PPP2R2C: variants seen among roughly 807,000 people sequenced by gnomAD.
PPP2R2C encodes the protein protein phosphatase 2, regulatory subunit B, gamma.
Under a neutral mutation model 45.3 loss-of-function variants are expected in PPP2R2C, and 10 were observed. The observed-to-expected ratio is 0.22, with a 90% CI of 0.14 to 0.37. The LOEUF (loss-of-function observed/expected upper bound fraction) is 0.37. Ranked by LOEUF, PPP2R2C falls within the 10% of genes least tolerant of loss-of-function variation. The pLI is 1.00. For synonymous variants in PPP2R2C, 257 were observed against 245.4 expected (o/e 1.05, Z -0.44); for missense variants, 308 against 619.7 (o/e 0.50, Z 5.34).
chr4:6,351,819 G>A (rs946899954), intron 5 of PPP2R2C, among the ~76,000 whole-genome samples: 1 of 152,152 alleles, frequency 6.6e-6, no homozygotes, highest in Non-Finnish European at 1.5e-5. Context: ...CCTTCACGGT[G>A]TGGGCACCGG....
intron 2 of PPP2R2C, among the ~76,000 whole-genome samples, chr4:6,499,792 A>G (rs1348635954): frequency 6.7e-6 from 1 of 149,278 alleles, no homozygotes; most frequent in African/African-American, 2.4e-5. Context: ...CTCCTACCCC[A>G]GACACCTGCT....
chr4:6,346,518 C>A (rs1711952132), intron 6 of PPP2R2C, among the ~76,000 whole-genome samples: 1 of 152,196 alleles, frequency 6.6e-6, no homozygotes, highest in South Asian at 2.1e-4. Context: ...TGTGTGTTCA[C>A]TGTCTGTCTC....
chr4:6,359,294 A>G (rs55691492), intron 5 of PPP2R2C, among the ~76,000 whole-genome samples: 9,419 of 152,290 alleles, frequency 0.062, 414 homozygotes, highest in Non-Finnish European at 0.096. Context: ...GAAGTGAACA[A>G]TGAGAACACT....
intron 5 of PPP2R2C, among the ~76,000 whole-genome samples, chr4:6,367,628 T>A: frequency 6.6e-6 from 1 of 152,074 alleles, no homozygotes; most frequent in Non-Finnish European, 1.5e-5. Flanking sequence ...ATGAAACGCC[T>A]CCTCTCATTA....
intron 2 of PPP2R2C, among the ~76,000 whole-genome samples, chr4:6,521,131 C>T (rs1245157526): frequency 3.9e-5 from 6 of 152,196 alleles, no homozygotes; most frequent in Non-Finnish European, 7.3e-5. Flanking sequence ...GTGGCCACAG[C>T]GTCTGTCTGA....
chr4:6,384,558 AG>A, intron 1 of PPP2R2C: 1 of 981,526 alleles, frequency 1.0e-6, no homozygotes, highest in Non-Finnish European at 1.2e-6. Context: ...TAATTTGATG[AG>A]GGTGGGCATA....
intron 6 of PPP2R2C, among the ~76,000 whole-genome samples, chr4:6,339,587 G>A (rs536050273): frequency 1.3e-5 from 2 of 152,392 alleles, no homozygotes; most frequent in Admixed American, 1.3e-4. Context: ...TGGGGCTGGG[G>A]TGGAGGCCGA....
intron 1 of PPP2R2C, among the ~76,000 whole-genome samples, chr4:6,386,756 C>T (rs1365069362): frequency 6.6e-6 from 1 of 152,142 alleles, no homozygotes; most frequent in African/African-American, 2.4e-5. Flanking sequence ...TCAGTGGAAA[C>T]TCACCTGAAA....
At chr4:6,461,725 G>T (rs13115077) in intron 1 of PPP2R2C, among the ~76,000 whole-genome samples, 42,184 of 152,154 alleles carry the variant, frequency 0.28, 6,425 homozygotes, top group East Asian at 0.42. Flanking sequence ...ATTAATCAGA[G>T]TAACAAACTG....
chr4:6,449,002 T>C (rs1285006433), intron 1 of PPP2R2C, among the ~76,000 whole-genome samples: 1 of 152,180 alleles, frequency 6.6e-6, no homozygotes, highest in African/African-American at 2.4e-5. Context: ...CAGGCAAGCC[T>C]TGGGTGATGC....
At chr4:6,446,519 C>G (rs1031865020) in intron 1 of PPP2R2C, among the ~76,000 whole-genome samples, 2 of 152,184 alleles carry the variant, frequency 1.3e-5, no homozygotes, top group Non-Finnish European at 2.9e-5. Flanking sequence ...TATCACTCTT[C>G]TCAAGGTGGC....
chr4:6,487,705 T>C (rs2108783134), intron 2 of PPP2R2C, among the ~76,000 whole-genome samples: 1 of 152,304 alleles, frequency 6.6e-6, no homozygotes, highest in East Asian at 1.9e-4. Flanking sequence ...TTCCCATTTT[T>C]ATTGTGCTTG....
chr4:6,528,541 T>G (rs1490525867), intron 2 of PPP2R2C, among the ~76,000 whole-genome samples: 1 of 152,214 alleles, frequency 6.6e-6, no homozygotes, highest in African/African-American at 2.4e-5. Context: ...GCCAGTGTGT[T>G]CTGACAGCCA....
chr4:6,486,586 C>A (rs1003312462), intron 2 of PPP2R2C, among the ~76,000 whole-genome samples: 1 of 151,976 alleles, frequency 6.6e-6, no homozygotes, highest in African/African-American at 2.4e-5. Context: ...TAATTGTTCC[C>A]TTTATCATTA....
upstream of PPP2R2C, among the ~76,000 whole-genome samples, chr4:6,472,663 G>T (rs1183446950): frequency 6.7e-6 from 1 of 149,894 alleles, no homozygotes; most frequent in Non-Finnish European, 1.5e-5. Context: ...CCCCTCCCTC[G>T]CGCCGCCCGC....
intron 1 of PPP2R2C, among the ~76,000 whole-genome samples, chr4:6,408,561 C>T (rs6854172): frequency 0.2 from 30,427 of 152,120 alleles, 3,362 homozygotes; most frequent in South Asian, 0.31. Flanking sequence ...CTGAGGCCAC[C>T]CTGGAGCACA....
intron 1 of PPP2R2C, among the ~76,000 whole-genome samples, chr4:6,425,955 G>A (rs1419793812): frequency 6.6e-6 from 1 of 152,050 alleles, no homozygotes; most frequent in Non-Finnish European, 1.5e-5. Flanking sequence ...GCACTCTATG[G>A]CTCCAGGTCC....
intron 1 of PPP2R2C, among the ~76,000 whole-genome samples, chr4:6,415,672 A>T (rs1397469592): frequency 6.6e-6 from 1 of 152,170 alleles, no homozygotes; most frequent in Non-Finnish European, 1.5e-5. Context: ...TCTGACATTC[A>T]ACCCTGAATC....
chr4:6,530,334 G>A (rs534734402), intron 2 of PPP2R2C, among the ~76,000 whole-genome samples: 1 of 152,242 alleles, frequency 6.6e-6, no homozygotes, highest in African/African-American at 2.4e-5. Flanking sequence ...TTCCATGCAC[G>A]CGACGTATGT....
Sources: allele counts gnomAD v4.1 joint callset (sites outside exome capture counted in the v4.1 genomes callset), GRCh38; gene constraint gnomAD v4.1.1; transcripts MANE v1.5; gene names NCBI Gene and HGNC (gene_info 2026-07-23, HGNC 2026-07-21).